RAD23B: variants seen among roughly 807,000 people sequenced by gnomAD.
RAD23B encodes RAD23 nucleotide excision repair protein B.
In RAD23B, 5 loss-of-function variants were observed where a neutral mutation model predicts 49.1. That is an observed-to-expected ratio of 0.10 (90% CI 0.05 to 0.21). RAD23B has a LOEUF of 0.21. Among genes scored for constraint, RAD23B ranks in the 10% least tolerant of loss-of-function variants. The pLI is 1.00. For synonymous variants in RAD23B, 184 were observed against 165.4 expected (o/e 1.11, Z -0.86); for missense variants, 356 against 486.7 (o/e 0.73, Z 2.53).
chr9:107,284,238 C>A (rs1182415689), intron 1 of RAD23B: 2 of 984,716 alleles, frequency 2.0e-6, no homozygotes, highest in Non-Finnish European at 2.4e-6. Flanking sequence ...AATTGTTTAC[C>A]CTTTTATTTG....
intron 4 of RAD23B, among the ~76,000 whole-genome samples, chr9:107,309,766 C>G (rs1826851885): frequency 6.6e-6 from 1 of 151,908 alleles, no homozygotes; most frequent in Admixed American, 6.6e-5. Context: ...CCCGTCTCTA[C>G]TAAAAATACA....
intron 1 of RAD23B, among the ~76,000 whole-genome samples, chr9:107,287,843 A>AAC (rs1554739665): frequency 4.2e-4 from 63 of 151,784 alleles, no homozygotes; most frequent in Admixed American, 1.2e-3. Context: ...TCAAAAAAAA[A>AAC]AAAAAAACAA....
At chr9:107,301,563 G>A (rs1352078302) in intron 2 of RAD23B, among the ~76,000 whole-genome samples, 1 of 152,112 alleles carries the variant, frequency 6.6e-6, no homozygotes, top group Non-Finnish European at 1.5e-5. Flanking sequence ...GTTTGAGAGA[G>A]GGTCTTGCTC....
intron 9 of RAD23B, among the ~76,000 whole-genome samples, chr9:107,326,406 G>A (rs972161119): frequency 7.3e-5 from 11 of 150,146 alleles, no homozygotes; most frequent in East Asian, 2.0e-4. Flanking sequence ...GCGTGAACCC[G>A]GGAGGCGGAG....
chr9:107,322,838 C>A (rs1827136739), intron 7 of RAD23B, among the ~76,000 whole-genome samples: 3 of 152,266 alleles, frequency 2.0e-5, no homozygotes, highest in South Asian at 4.1e-4. Context: ...AAGGACAGGC[C>A]CTTTGTTTGT....
intron 8 of RAD23B, 88 bp downstream of exon 8, chr9:107,324,105 C>T (rs551525633): frequency 3.7e-6 from 5 of 1,363,004 alleles, no homozygotes; most frequent in East Asian, 4.7e-5. Context: ...TCCTCAAATA[C>T]AACTCTGTAT....
Position 107,318,524 on chromosome 9 carries a change from G to A in RAD23B, c.554-228G>A, listed in dbSNP as rs567486492. On this transcript the variant is annotated intron_variant, in intron 5 of 9. Transcript: ENST00000358015. This position sits in a 1 kb window ranked among gnomAD's most constrained non-coding sequence, Gnocchi z 4.3. ...AGCAACCTTAATTTTATCTATAACC[G>A]CAATTTCCCTTTGCCTTGTAACCTA... 8.5e-5 allele frequency among the ~76,000 whole-genome samples: 13 copies of A among 152,174 alleles called. No individual in the cohort carries two copies. The highest frequency in any genetic ancestry group is 2.6e-4 in the African/African-American group (11 of 41,522).
chr9:107,306,777 C>A, intron 4 of RAD23B, 130 bp downstream of exon 4: 1 of 1,004,520 alleles, frequency 1.0e-6, no homozygotes, highest in Non-Finnish European at 1.4e-6. Context: ...AAATGTTTGA[C>A]TAAAACATAT....
chr9:107,306,720 T>G lies in RAD23B; in HGVS notation c.497+73T>G, dbSNP rs571421275. 2.7e-6 allele frequency: 4 copies of G among 1,481,562 alleles called. No homozygotes were observed. The African/African-American group carries it at 5.6e-5, about 21-fold the overall frequency. 91.8% of individuals were successfully genotyped at this position (1,481,562 alleles called of 1,614,324 possible). A position where few individuals can be genotyped will look rare whatever the true frequency, so the allele number is the denominator to read the frequency against. The stretch of plus-strand genomic sequence containing the variant: ...AGGAACTTCATGCATTTATTTTGAT[T>G]ATTGTTTTGATCAAACCGACTATAT... On this transcript the variant is annotated intron_variant, in intron 4 of 9. Coordinates refer to ENST00000358015, the MANE Select transcript of RAD23B (RefSeq NM_002874.5).
intron 9 of RAD23B, among the ~76,000 whole-genome samples, chr9:107,327,715 T>C (rs547776085): frequency 6.6e-6 from 1 of 152,312 alleles, no homozygotes; most frequent in East Asian, 1.9e-4. Context: ...AAGAAGAATA[T>C]AGTGTAGTTC....
intron 1 of RAD23B, chr9:107,284,850 G>C (rs920059179): frequency 1.6e-6 from 2 of 1,235,660 alleles, no homozygotes; most frequent in African/African-American, 1.6e-5. Flanking sequence ...GGCAAATTAC[G>C]GTTAGTTTCA....
intron 1 of RAD23B, among the ~76,000 whole-genome samples, chr9:107,295,302 G>T (rs1460384095): frequency 6.6e-6 from 1 of 152,180 alleles, no homozygotes; most frequent in South Asian, 2.1e-4. Context: ...AAATGATGAA[G>T]TATTAGGTCT....
intron 5 of RAD23B, among the ~76,000 whole-genome samples, chr9:107,312,461 G>A (rs752053392): frequency 6.6e-6 from 1 of 152,182 alleles, no homozygotes; most frequent in Non-Finnish European, 1.5e-5. Flanking sequence ...GGTTCCAGCA[G>A]CAGTACCACC....
chr9:107,285,026 A>G (rs570798230), intron 1 of RAD23B: 1 of 1,166,948 alleles, frequency 8.6e-7, no homozygotes, highest in Admixed American at 3.3e-5. Context: ...TAAGTTTTGT[A>G]CATCTTTAAT....
intron 6 of RAD23B, among the ~76,000 whole-genome samples, chr9:107,320,395 G>A (rs1297374163): frequency 1.3e-5 from 2 of 152,116 alleles, no homozygotes; most frequent in Non-Finnish European, 2.9e-5. Flanking sequence ...AACAGTATCA[G>A]TTATTTTGAT....
chr9:107,303,248 A>G (rs1031514522), intron 3 of RAD23B, among the ~76,000 whole-genome samples: 1 of 152,188 alleles, frequency 6.6e-6, no homozygotes, highest in African/African-American at 2.4e-5. Flanking sequence ...CACTTCATCA[A>G]AGGCCAAAAG....
At chr9:107,287,072 C>A (rs1833285248) in intron 1 of RAD23B, among the ~76,000 whole-genome samples, 1 of 129,528 alleles carries the variant, frequency 7.7e-6, no homozygotes, top group Admixed American at 7.9e-5. Flanking sequence ...GAGACTCCGT[C>A]TCAAAAAAAA....
chr9:107,326,882 A>T (rs1587866192), intron 9 of RAD23B, among the ~76,000 whole-genome samples: 1 of 151,136 alleles, frequency 6.6e-6, no homozygotes, highest in African/African-American at 2.4e-5. Flanking sequence ...TTCGTGATCC[A>T]CCCGCCTCGG....
At position 107,304,518 on chromosome 9, in the gene RAD23B, G is replaced by A. The variant is rs145382993; in HGVS notation, c.229-1861G>A. On this transcript the variant is annotated intron_variant, in intron 3 of 9. Coordinates refer to ENST00000358015, the MANE Select transcript of RAD23B (RefSeq NM_002874.5). The stretch of plus-strand genomic sequence containing the variant: ...TTAAGCTAAATAGGAAAAGAAGGGA[G>A]TAATGCTACTAGTATTTTTTAAAAA... 2.6e-3 allele frequency among the ~76,000 whole-genome samples: 391 copies of A among 152,312 alleles called. 1 individual carries two copies. The highest frequency in any genetic ancestry group is 4.8e-3 in the Admixed American group (73 of 15,296).
Sources: allele counts gnomAD v4.1 joint callset (sites outside exome capture counted in the v4.1 genomes callset), GRCh38; gene constraint gnomAD v4.1.1; non-coding constraint Gnocchi (gnomAD v3.1); transcripts MANE v1.5; gene names NCBI Gene and HGNC (gene_info 2026-07-23, HGNC 2026-07-21).